Variants in RLF observed in about 807,000 individuals in gnomAD.
RLF encodes zinc finger protein Rlf.
RLF carries 7 observed loss-of-function variants against 162.9 expected under a neutral mutation model. That is an observed-to-expected ratio of 0.04 (90% CI 0.02 to 0.08). The LOEUF is 0.08. Ranked by LOEUF, RLF falls within the 10% of genes least tolerant of loss-of-function variation. The pLI, the probability that RLF is intolerant of heterozygous loss-of-function variation, is 1.00. For synonymous variants in RLF, 782 were observed against 791.5 expected (o/e 0.99, Z 0.20); for missense variants, 1,664 against 2,244.7 (o/e 0.74, Z 5.23).
At chr1:40,229,778 A>G (rs1441867312) in intron 6 of RLF, among the ~76,000 whole-genome samples, 1 of 152,000 alleles carries the variant, frequency 6.6e-6, no homozygotes, top group Non-Finnish European at 1.5e-5. Flanking sequence ...GAGACACCAT[A>G]TATTCATTTC....
intron 5 of RLF, among the ~76,000 whole-genome samples, chr1:40,217,772 A>G (rs1256312341): frequency 1.3e-5 from 2 of 152,126 alleles, no homozygotes; most frequent in African/African-American, 4.8e-5. Context: ...CCGTCTCAAA[A>G]AAAGAAAGAA....
In RLF at chr1:40,237,385, A is replaced by G. The variant is rs1047036257; in HGVS notation, c.2683A>G (p.Asn895Asp). 6.2e-7 allele frequency: 1 copy of G among 1,613,870 alleles called. No individual in the cohort carries two copies. The highest frequency in any genetic ancestry group is 1.3e-5 in the African/African-American group (1 of 74,912). The change falls in exon 8 of 8, where the codon AAT (asparagine) becomes GAT (aspartate). Residue 895 changes from asparagine (N) to aspartate (D), a missense_variant. This residue lies in a region of RLF where 295 missense variants were observed against 317.4 expected (regional missense o/e 0.93). Transcript: ENST00000372771. This position sits in a 1 kb window ranked among gnomAD's most constrained non-coding sequence, Gnocchi z 4.4. ...AENLKENSDS[N>D]SSDQLSHSSS... is the part of the protein sequence containing the mutation. ...AAACCTGAAAGAAAACAGTGACAGTAATTCTAGTGATCAGTTAAGTCATAG... is the reference window on the plus strand; with the variant it reads ...AAACCTGAAAGAAAACAGTGACAGTGATTCTAGTGATCAGTTAAGTCATAG...
chr1:40,239,828 G>T lies in RLF; in HGVS notation c.5126G>T (p.Ser1709Ile). ...NSIPNPNGTE[S>I]GTYFTSFQLP... The stretch of plus-strand genomic sequence containing the variant: ...ATACCTAATCCCAATGGGACTGAAA[G>T]TGGGACTTATTTCACAAGTTTCCAG... Residue 1709 changes from serine to isoleucine, a missense_variant, in exon 8 of 8, where the codon AGT becomes ATT. Physicochemically the swap from Ser to Ile is moderately radical, Grantham distance 142. Transcript: ENST00000372771. The T allele has an allele frequency of 6.2e-7, 1 of 1,614,058 alleles. No individual in the cohort carries two copies.
At chr1:40,202,671 A>AAATC in intron 5 of RLF, 57 bp downstream of exon 5, 2 of 1,002,250 alleles carry the variant, frequency 2.0e-6, no homozygotes, top group Non-Finnish European at 2.9e-6. Context: ...ATTTATATAT[A>AAATC]TATTGCATGG....
intron 5 of RLF, 51 bp downstream of exon 5, chr1:40,202,665 A>C: frequency 1.9e-6 from 2 of 1,052,310 alleles, no homozygotes; most frequent in South Asian, 3.4e-5. Flanking sequence ...TAATAGATTT[A>C]TATATATATT....
Position 40,231,512 on chromosome 1 carries a change from T to TA in RLF, c.948-4dup, listed in dbSNP as rs1384085781. 1 of 1,605,834 alleles carries TA rather than the reference T, an allele frequency of 6.2e-7. No individual in the cohort carries two copies. The highest frequency in any genetic ancestry group is 8.5e-7 in the Non-Finnish European group (1 of 1,177,798). On this transcript the variant is annotated splice_polypyrimidine_tract_variant and splice_region_variant and intron_variant, in intron 6 of 7. Transcript: ENST00000372771. ...ATGTTTTACCATGATCTTCTTTTTTTATAGGGAACTGACTCTTTTTTGGAG... is the reference window on the plus strand; with the variant it reads ...ATGTTTTACCATGATCTTCTTTTTTTAATAGGGAACTGACTCTTTTTTGGAG...
chr1:40,224,942 A>G (rs1643048681), intron 6 of RLF, among the ~76,000 whole-genome samples: 1 of 151,820 alleles, frequency 6.6e-6, no homozygotes, highest in Non-Finnish European at 1.5e-5. Flanking sequence ...AGCCGAGGTC[A>G]TGCCAGCCCA....
chr1:40,209,190 A>G (rs1442637888), intron 5 of RLF, among the ~76,000 whole-genome samples: 1 of 152,220 alleles, frequency 6.6e-6, no homozygotes, highest in Non-Finnish European at 1.5e-5. Flanking sequence ...GAGCTTAGGT[A>G]GAGTATGTTT....
rs1643234190 is a variant in RLF, at chr1:40,237,658, A to G, written c.2956A>G (p.Lys986Glu). ...GGTTCATCCATACCATTTCAAGCCCAAAAAGATAAAGACGAAAGATCTGTT... is the reference window on the plus strand; with the variant it reads ...GGTTCATCCATACCATTTCAAGCCCGAAAAGATAAAGACGAAAGATCTGTT... ...RKVHPYHFKP[K>E]KIKTKDLFPS... The change falls in exon 8 of 8, where the codon AAA becomes GAA. Residue 986 changes from lysine to glutamate, a missense_variant. Physicochemically the swap from Lys to Glu is moderately conservative, Grantham distance 56 (BLOSUM62 1). Around this residue, in one of 15 missense-constraint regions of RLF, gnomAD observed 295 missense variants for 317.4 expected, o/e 0.93. Coordinates refer to ENST00000372771, the MANE Select transcript of RLF (RefSeq NM_012421.4). This position sits in a 1 kb window ranked among gnomAD's most constrained non-coding sequence, Gnocchi z 4.4. The G allele has an allele frequency of 6.2e-7, 1 of 1,614,060 alleles. No individual in the cohort carries two copies. Among genetic ancestry groups the G allele is most frequent in the Non-Finnish European group, 8.5e-7 (1 of 1,180,012 alleles).
intron 1 of RLF, among the ~76,000 whole-genome samples, chr1:40,173,089 TTTG>T (rs1340693376): frequency 6.6e-6 from 1 of 150,558 alleles, no homozygotes; most frequent in South Asian, 2.1e-4. Context: ...TTTTTTTTTT[TTTG>T]TGAGGCAGAG....
rs774726670 is a variant in RLF at position 40,236,648 on chromosome 1, G to A, written c.1946G>A (p.Gly649Glu). ...QNHSLNDQAK[G>E]ESHEYVTFSK... ...CATTCATTGAATGACCAAGCCAAAGGAGAGTCTCATGAATATGTCACATTC... is the reference window on the plus strand; with the variant it reads ...CATTCATTGAATGACCAAGCCAAAGAAGAGTCTCATGAATATGTCACATTC... Residue 649 changes from glycine to glutamate, a missense_variant, in exon 8 of 8, where the codon GGA becomes GAA. Gly to Glu is a moderately conservative substitution (Grantham distance 98). Transcript: ENST00000372771. This position sits in a 1 kb window ranked among gnomAD's most constrained non-coding sequence, Gnocchi z 7.7. 3.1e-6 allele frequency: 5 copies of A among 1,613,976 alleles called. No individual in the cohort carries two copies. The East Asian group carries it at 1.1e-4, about 36-fold the overall frequency.
intron 1 of RLF, among the ~76,000 whole-genome samples, chr1:40,180,755 T>C (rs551613496): frequency 6.6e-6 from 1 of 152,342 alleles, no homozygotes; most frequent in East Asian, 1.9e-4. Flanking sequence ...TTTTGTGTTG[T>C]TGAGTTTTAG....
intron 1 of RLF, among the ~76,000 whole-genome samples, chr1:40,168,827 A>G (rs2124523762): frequency 6.6e-6 from 1 of 151,960 alleles, no homozygotes; most frequent in South Asian, 2.1e-4. Context: ...CCCCATCTCT[A>G]CTAAAAATAC....
chr1:40,165,030 C>T (rs374932621), intron 1 of RLF, among the ~76,000 whole-genome samples: 2 of 152,132 alleles, frequency 1.3e-5, no homozygotes, highest in African/African-American at 2.4e-5. Context: ...TTTCCTTAAA[C>T]GTTAATTCTT....
intron 1 of RLF, among the ~76,000 whole-genome samples, chr1:40,183,490 A>G (rs901138753): frequency 1.3e-5 from 2 of 152,210 alleles, no homozygotes; most frequent in Non-Finnish European, 2.9e-5. Flanking sequence ...TGGAAGTTAG[A>G]TGTTGTAAAC....
chr1:40,171,164 C>G (rs1642239300), intron 1 of RLF, among the ~76,000 whole-genome samples: 1 of 152,012 alleles, frequency 6.6e-6, no homozygotes. Context: ...ATATCTAGGA[C>G]TACAGGTGCA....
At chr1:40,222,842 A>C in intron 6 of RLF, 132 bp downstream of exon 6, 2 of 665,572 alleles carry the variant, frequency 3.0e-6, no homozygotes. Context: ...TTCCACACAC[A>C]ATCATTTAAT....
chr1:40,183,679 C>A (rs986747951), intron 1 of RLF, among the ~76,000 whole-genome samples: 2 of 152,024 alleles, frequency 1.3e-5, no homozygotes, highest in Non-Finnish European at 2.9e-5. Context: ...AGTTCAAATC[C>A]TGAATCTAAC....
At chr1:40,177,175 AG>A (rs1642338538) in intron 1 of RLF, among the ~76,000 whole-genome samples, 1 of 151,802 alleles carries the variant, frequency 6.6e-6, no homozygotes, top group Non-Finnish European at 1.5e-5. Context: ...TAGATGAGAC[AG>A]GGTTTCGCCA....
Sources: allele counts gnomAD v4.1 joint callset (sites outside exome capture counted in the v4.1 genomes callset), GRCh38; gene constraint gnomAD v4.1.1; regional missense constraint gnomAD v4.1.1; non-coding constraint Gnocchi (gnomAD v3.1); transcripts MANE v1.5; gene names NCBI Gene and HGNC (gene_info 2026-07-23, HGNC 2026-07-21).